The following DAG1 variants were observed in gnomAD, a reference collection of about 807,000 sequenced individuals.
DAG1 encodes the protein dystroglycan 1 (dystrophin-associated glycoprotein 1).
DAG1 carries 8 observed loss-of-function variants against 46.1 expected under a neutral mutation model. That is an observed-to-expected ratio of 0.17 (90% CI 0.10 to 0.31). DAG1 has a LOEUF of 0.31. Among genes scored for constraint, DAG1 ranks in the 10% least tolerant of loss-of-function variants. The pLI, the probability that DAG1 is intolerant of heterozygous loss-of-function variation, is 1.00. For missense variants in DAG1, 1,003 were observed against 1,189.9 expected, an observed-to-expected ratio of 0.84 and a Z score of 2.31; for synonymous variants, 495 against 481.8, an observed-to-expected ratio of 1.03 and a Z score of -0.36.
intron 1 of DAG1, among the ~76,000 whole-genome samples, chr3:49,509,367 C>CATG (rs1472003886): frequency 6.6e-6 from 1 of 152,156 alleles, no homozygotes; most frequent in East Asian, 1.9e-4. Context: ...GAGCTATGAA[C>CATG]ATGACACTGT....
At chr3:49,485,601 C>G (rs956007408) in intron 1 of DAG1, among the ~76,000 whole-genome samples, 1 of 150,248 alleles carries the variant, frequency 6.7e-6, no homozygotes, top group Non-Finnish European at 1.5e-5. Flanking sequence ...ATCTTTATGT[C>G]TACTTAGGTT....
At chr3:49,484,203 G>A (rs1180027501) in intron 1 of DAG1, among the ~76,000 whole-genome samples, 1 of 152,202 alleles carries the variant, frequency 6.6e-6, no homozygotes, top group African/African-American at 2.4e-5. Context: ...AGGGTCAACA[G>A]TATGGTCCTA....
intron 1 of DAG1, among the ~76,000 whole-genome samples, chr3:49,504,032 C>T (rs2050528594): frequency 6.6e-6 from 1 of 151,922 alleles, no homozygotes; most frequent in African/African-American, 2.4e-5. Flanking sequence ...CTATATAGTA[C>T]AATATATATC....
At chr3:49,472,524 A>G (rs1362770446) in intron 1 of DAG1, among the ~76,000 whole-genome samples, 1 of 152,078 alleles carries the variant, frequency 6.6e-6, no homozygotes, top group Non-Finnish European at 1.5e-5. Flanking sequence ...TAAAAACTTT[A>G]TCGCCGGGCA....
At chr3:49,514,539 C>T (rs2050843186) in intron 2 of DAG1, among the ~76,000 whole-genome samples, 1 of 152,034 alleles carries the variant, frequency 6.6e-6, no homozygotes, top group Non-Finnish European at 1.5e-5. Context: ...GGCACAGTCC[C>T]GGCTCACTGC....
At chr3:49,483,431 C>T (rs1486283504) in intron 1 of DAG1, among the ~76,000 whole-genome samples, 2 of 152,006 alleles carry the variant, frequency 1.3e-5, no homozygotes, top group African/African-American at 4.8e-5. Flanking sequence ...TCTCAAACTG[C>T]GACCTCAGAT....
upstream of DAG1, among the ~76,000 whole-genome samples, chr3:49,469,282 T>C (rs1479373251): frequency 6.6e-6 from 1 of 152,206 alleles, no homozygotes; most frequent in Non-Finnish European, 1.5e-5. Context: ...GGACCCATCC[T>C]GCGCATGGTG....
At position 49,516,179 on chromosome 3, in the gene DAG1, CTG is replaced by C. The variant is rs769459163; in HGVS notation, c.285+5364_285+5365del. On this transcript the variant is annotated intron_variant, in intron 2 of 2. Transcript: ENST00000308775. ...GTAAAAGCAGCTTTCCCACAAAACT[CTG>C]TGTCATCTTCTTCTTAGCAGATTTC... Among the ~76,000 whole-genome samples the C allele has an allele frequency of 5.5e-4, 84 of 152,356 alleles. No individual in the cohort carries two copies. The South Asian group carries it at 7.9e-3, about 14-fold the overall frequency.
chr3:49,484,572 G>A (rs1278043319), intron 1 of DAG1, among the ~76,000 whole-genome samples: 1 of 152,126 alleles, frequency 6.6e-6, no homozygotes, highest in Non-Finnish European at 1.5e-5. Context: ...GGGCTCTGCT[G>A]CCCTGAGCTG....
At chr3:49,478,714 A>G (rs954949224) in intron 1 of DAG1, among the ~76,000 whole-genome samples, 21 of 150,968 alleles carry the variant, frequency 1.4e-4, no homozygotes, top group Non-Finnish European at 1.5e-4. Flanking sequence ...CATCACAGCA[A>G]ATCACACCAC....
At chr3:49,518,819 C>T (rs575989980) in intron 2 of DAG1, among the ~76,000 whole-genome samples, 1 of 152,354 alleles carries the variant, frequency 6.6e-6, no homozygotes, top group South Asian at 2.1e-4. Context: ...TCCTCATGGC[C>T]AGCATAGCTT....
At chr3:49,481,052 C>T (rs1156521885) in intron 1 of DAG1, among the ~76,000 whole-genome samples, 3 of 148,252 alleles carry the variant, frequency 2.0e-5, no homozygotes, top group South Asian at 2.1e-4. Context: ...TGAGCCACCA[C>T]GCCCGGCCTG....
At chr3:49,474,155 A>G (rs776623981) in intron 1 of DAG1, among the ~76,000 whole-genome samples, 1 of 151,970 alleles carries the variant, frequency 6.6e-6, no homozygotes, top group Non-Finnish European at 1.5e-5. Flanking sequence ...CCTGGGTTCA[A>G]GTGATTCTCC....
chr3:49,482,880 A>C (rs1343503527), intron 1 of DAG1, among the ~76,000 whole-genome samples: 1 of 152,084 alleles, frequency 6.6e-6, no homozygotes, highest in African/African-American at 2.4e-5. Flanking sequence ...CTAGGGGTTG[A>C]TGGGAGATTT....
intron 1 of DAG1, among the ~76,000 whole-genome samples, chr3:49,472,639 C>G (rs1429752445): frequency 1.3e-5 from 2 of 152,054 alleles, no homozygotes; most frequent in Non-Finnish European, 2.9e-5. Flanking sequence ...AACCCCCTCT[C>G]TACTAAAAAT....
intron 1 of DAG1, among the ~76,000 whole-genome samples, chr3:49,500,074 AAGCAATTTTCCTGTCTCAGCCTCCG>A (rs1218276234): frequency 3.3e-4 from 4 of 12,094 alleles, no homozygotes; most frequent in East Asian, 0.045. Flanking sequence ...TCCCGGGTTC[AAGCAATTTTCCTGTCTCAGCCTCCG>A]CTTCCCGGGT....
rs185902573 is a variant in DAG1 at position 49,522,825 on chromosome 3, C to A, written c.286-7972C>A. Among the ~76,000 whole-genome samples, 73 of 152,326 alleles carry A rather than the reference C, an allele frequency of 4.8e-4. 1 individual carries two copies. Among genetic ancestry groups the A allele is most frequent in the African/African-American group, 1.3e-3 (52 of 41,568 alleles). The stretch of plus-strand genomic sequence containing the variant: ...GGCCTTTTTGGTGGCCTGTGAGCTA[C>A]AGCCTGTGATCTCCTTAAATCAGGC... On this transcript the variant is annotated intron_variant, in intron 2 of 2. Coordinates refer to ENST00000308775, the MANE Select transcript of DAG1 (RefSeq NM_004393.6).
At chr3:49,478,998 A>G (rs1313409290) in intron 1 of DAG1, among the ~76,000 whole-genome samples, 2 of 151,632 alleles carry the variant, frequency 1.3e-5, no homozygotes, top group African/African-American at 2.4e-5. Context: ...TATTTTCAGT[A>G]GAGACGAGGT....
At position 49,521,630 on chromosome 3, in the gene DAG1, A is replaced by T. The variant is rs79966226; in HGVS notation, c.286-9167A>T. ...GCCCAGCTAATTTTTCTTTTTTGTA[A>T]AGACGACGTTTTGCCGTGTTGCCCA... On this transcript the variant is annotated intron_variant, in intron 2 of 2. Coordinates refer to ENST00000308775, the MANE Select transcript of DAG1 (RefSeq NM_004393.6). Among the ~76,000 whole-genome samples, 1,047 of 151,578 alleles carry T rather than the reference A, an allele frequency of 6.9e-3. 10 individuals are homozygous for T. Among genetic ancestry groups the T allele is most frequent in the East Asian group, 0.03 (154 of 5,064 alleles).
Sources: gnomAD v4.1 joint callset for allele counts (sites outside exome capture counted in the v4.1 genomes callset) on GRCh38, gnomAD v4.1.1 for gene constraint, MANE v1.5 for transcripts, NCBI Gene and HGNC (gene_info 2026-07-23, HGNC 2026-07-21) for gene names.